Variants in GPHN observed in about 807,000 individuals in gnomAD.
GPHN encodes gephyrin.
GPHN carries 17 observed loss-of-function variants against 95.5 expected under a neutral mutation model. The observed-to-expected ratio is 0.18, with a 90% CI of 0.12 to 0.27. GPHN has a LOEUF of 0.27. GPHN is among the 10% of genes least tolerant of loss of function. GPHN has a pLI of 1.00. For missense variants in GPHN, 660 were observed against 978.1 expected, an observed-to-expected ratio of 0.67 and a Z score of 4.34; for synonymous variants, 320 against 322.5, an observed-to-expected ratio of 0.99 and a Z score of 0.08.
At chr14:67,382,522 A>T in the GPHN span, 1 of 1,613,952 alleles carries the variant, frequency 6.2e-7, no homozygotes, top group Non-Finnish European at 8.5e-7. Context: ...TTCTGTCCTC[A>T]GTCAAGCTAT....
At chr14:67,344,187 T>A in the GPHN span, among the ~76,000 whole-genome samples, 1 of 152,232 alleles carries the variant, frequency 6.6e-6, no homozygotes, top group African/African-American at 2.4e-5. Context: ...GATTGTGACC[T>A]CTGTATTGTA....
chr14:66,666,919 G>A (rs1431458197), intron 1 of GPHN, among the ~76,000 whole-genome samples: 1 of 152,176 alleles, frequency 6.6e-6, no homozygotes, highest in African/African-American at 2.4e-5. Context: ...TTCTTAAGCT[G>A]ATAAGCAACT....
At chr14:66,615,107 G>T (rs2062949660) in intron 1 of GPHN, among the ~76,000 whole-genome samples, 1 of 151,998 alleles carries the variant, frequency 6.6e-6, no homozygotes, top group Admixed American at 6.6e-5. Context: ...TCTTTATCCA[G>T]TCTATCATTG....
the GPHN span, among the ~76,000 whole-genome samples, chr14:67,487,410 A>T: frequency 1.3e-5 from 2 of 152,182 alleles, no homozygotes; most frequent in Non-Finnish European, 2.9e-5. Context: ...GTTAGGACTT[A>T]GGGCTTCTTG....
the GPHN span, among the ~76,000 whole-genome samples, chr14:67,725,446 C>A: frequency 6.6e-6 from 1 of 152,208 alleles, no homozygotes; most frequent in African/African-American, 2.4e-5. Context: ...TCCTTATCAT[C>A]TTTTCGCCTC....
chr14:67,199,371 A>G, the GPHN span: 38 of 1,614,072 alleles, frequency 2.4e-5, no homozygotes, highest in Middle Eastern at 1.7e-4. Context: ...AACATTTTCA[A>G]TGGGAACCTG....
At chr14:67,730,006 T>C in the GPHN span, among the ~76,000 whole-genome samples, 5 of 152,208 alleles carry the variant, frequency 3.3e-5, no homozygotes, top group African/African-American at 1.2e-4. Context: ...ATTTATTCCG[T>C]GAAGCACTGG....
the GPHN span, among the ~76,000 whole-genome samples, chr14:67,598,990 G>T: frequency 6.6e-6 from 1 of 152,264 alleles, no homozygotes; most frequent in East Asian, 1.9e-4. Flanking sequence ...GATTACAGGC[G>T]TGAGGTACAG....
At chr14:67,338,751 A>G in the GPHN span, 1 of 1,611,722 alleles carries the variant, frequency 6.2e-7, no homozygotes, top group South Asian at 1.1e-5. Context: ...CTTCTCTTGT[A>G]TTTTCTTTAA....
At chr14:67,248,803 T>C in the GPHN span, among the ~76,000 whole-genome samples, 8 of 152,272 alleles carry the variant, frequency 5.3e-5, 1 homozygote, top group South Asian at 6.2e-4. Context: ...CCTCTGGACT[T>C]AGTTTACATA....
chr14:66,896,668 A>G (rs1456308727), intron 5 of GPHN, among the ~76,000 whole-genome samples: 1 of 152,164 alleles, frequency 6.6e-6, no homozygotes, highest in Non-Finnish European at 1.5e-5. Flanking sequence ...AGTTTTTTAA[A>G]GTTAAGTATG....
the GPHN span, among the ~76,000 whole-genome samples, chr14:67,227,060 A>G: frequency 1.3e-5 from 2 of 152,240 alleles, no homozygotes; most frequent in Non-Finnish European, 2.9e-5. Context: ...CAAAATTTCA[A>G]ATATTAGGGT....
chr14:67,231,768 ACCAG>A, the GPHN span, among the ~76,000 whole-genome samples: 1 of 152,036 alleles, frequency 6.6e-6, no homozygotes. Context: ...GGAGTTAGAG[ACCAG>A]CCTGGCCAAC....
At chr14:67,516,124 A>G in the GPHN span, among the ~76,000 whole-genome samples, 1 of 152,194 alleles carries the variant, frequency 6.6e-6, no homozygotes, top group South Asian at 2.1e-4. Context: ...CTGACTTGAG[A>G]CAGGCCCCTT....
At chr14:67,238,733 T>G in the GPHN span, among the ~76,000 whole-genome samples, 1 of 152,112 alleles carries the variant, frequency 6.6e-6, no homozygotes, top group African/African-American at 2.4e-5. Context: ...AGCATCGACC[T>G]CCCAGGCTTA....
In GPHN at chr14:66,578,716, C is replaced by T. The variant is rs1015775077; in HGVS notation, c.64+70125C>T. ...GCTCAAAGAAAGAAAAAAAAAAACA[C>T]CAGGAACCATAAAGTTGTCCCTCAG... On this transcript the variant is annotated intron_variant, in intron 1 of 22. Transcript: ENST00000478722. Among the ~76,000 whole-genome samples the T allele has an allele frequency of 3.8e-5, 5 of 132,138 alleles. No individual in the cohort carries two copies. The South Asian group carries it at 1.2e-3, about 32-fold the overall frequency. The allele number at this position is 132,138 out of a possible 152,430, so 86.7% of individuals were successfully genotyped here.
At chr14:67,035,893 C>T (rs763225981) in intron 10 of GPHN, among the ~76,000 whole-genome samples, 1 of 151,582 alleles carries the variant, frequency 6.6e-6, no homozygotes, top group Non-Finnish European at 1.5e-5. Context: ...AGGAATACTT[C>T]CAAAATAAAT....
At chr14:66,772,266 C>G (rs1020440771) in intron 2 of GPHN, among the ~76,000 whole-genome samples, 1 of 152,220 alleles carries the variant, frequency 6.6e-6, no homozygotes, top group African/African-American at 2.4e-5. Context: ...TCCACTGCTA[C>G]CATTCTGGGA....
At chr14:67,718,972 TAAAAGTTTATTGGAAGC>T in the GPHN span, among the ~76,000 whole-genome samples, 2 of 152,238 alleles carry the variant, frequency 1.3e-5, no homozygotes, top group East Asian at 3.8e-4. Flanking sequence ...GATAAATTGA[TAAAAGTTTATTGGAAGC>T]CAAATGTGAG....
Sources: gnomAD v4.1 joint callset for allele counts (sites outside exome capture counted in the v4.1 genomes callset) on GRCh38, gnomAD v4.1.1 for gene constraint, MANE v1.5 for transcripts, NCBI Gene and HGNC (gene_info 2026-07-23, HGNC 2026-07-21) for gene names.